Variants in SNX25 observed in about 807,000 individuals in gnomAD.
SNX25 encodes the protein sorting nexin 25.
In SNX25, 62 loss-of-function variants were observed where a neutral mutation model predicts 113.7. That is an observed-to-expected ratio of 0.55 (90% CI 0.44 to 0.67). The LOEUF (loss-of-function observed/expected upper bound fraction) is 0.67, where lower values mean the gene tolerates loss of function less well. Ranked by LOEUF, SNX25 falls within the 30% of genes least tolerant of loss-of-function variation. The pLI is 0.00. For missense variants in SNX25, 1,014 were observed against 1,161.0 expected (o/e 0.87, Z 1.84); for synonymous variants, 421 against 436.2 (o/e 0.97, Z 0.43).
intron 9 of SNX25, among the ~76,000 whole-genome samples, chr4:185,330,650 A>G (rs2095188011): frequency 6.6e-6 from 1 of 152,172 alleles, no homozygotes; most frequent in East Asian, 1.9e-4. Context: ...ACATAGAAAG[A>G]TTATGATTTA....
upstream of SNX25, among the ~76,000 whole-genome samples, chr4:185,208,494 C>A (rs1737299545): frequency 6.6e-6 from 1 of 151,880 alleles, no homozygotes; most frequent in African/African-American, 2.4e-5. Context: ...CTTTGGGAGG[C>A]TGAGGCAGGC....
intron 9 of SNX25, among the ~76,000 whole-genome samples, chr4:185,330,294 G>T (rs1294415987): frequency 6.6e-6 from 1 of 152,114 alleles, no homozygotes; most frequent in African/African-American, 2.4e-5. Flanking sequence ...AGGGGAGGTT[G>T]TCTTGGGACT....
At chr4:185,240,239 A>G (rs1324218344) in intron 1 of SNX25, among the ~76,000 whole-genome samples, 2 of 152,084 alleles carry the variant, frequency 1.3e-5, no homozygotes, top group African/African-American at 4.8e-5. Flanking sequence ...TATTCCACAA[A>G]ACCGCCATTG....
chr4:185,275,616 C>T (rs1050910679), intron 5 of SNX25, among the ~76,000 whole-genome samples: 1 of 152,046 alleles, frequency 6.6e-6, no homozygotes, highest in Non-Finnish European at 1.5e-5. Flanking sequence ...TAGCATGCTT[C>T]TTTGAAGAAC....
intron 1 of SNX25, among the ~76,000 whole-genome samples, chr4:185,230,945 C>T (rs145088535): frequency 8.5e-5 from 13 of 152,168 alleles, no homozygotes; most frequent in African/African-American, 3.1e-4. Flanking sequence ...TAGGGGCTTC[C>T]TGATGTCAAC....
At chr4:185,298,798 A>G (rs1269880828) in intron 6 of SNX25, among the ~76,000 whole-genome samples, 1 of 152,132 alleles carries the variant, frequency 6.6e-6, no homozygotes, top group Non-Finnish European at 1.5e-5. Flanking sequence ...TATAGTTTAT[A>G]TCTACTGTCT....
chr4:185,207,599 T>C (rs1737242079), upstream of SNX25: 1 of 152,010 alleles, frequency 6.6e-6, no homozygotes, highest in Non-Finnish European at 1.5e-5. Flanking sequence ...ATGAGATGAG[T>C]AAATCAGAGA....
rs1469125396 is a variant in SNX25, at chr4:185,209,604, A to T, written c.-223A>T. On this transcript the variant is annotated 5_prime_UTR_variant, in exon 1 of 19. Coordinates refer to ENST00000652585, the MANE Select transcript of SNX25 (RefSeq NM_001378034.2). This position sits in a 1 kb window ranked among gnomAD's most constrained non-coding sequence, Gnocchi z 5.2. ...GTCAGGCTGGCCAGGCTTCAGTCACAACACGGTGGGGCTCCCTGGCTGCGC... is the reference window on the plus strand; with the variant it reads ...GTCAGGCTGGCCAGGCTTCAGTCACTACACGGTGGGGCTCCCTGGCTGCGC... 2.4e-6 allele frequency: 1 copy of T among 410,768 alleles called. No individual in the cohort carries two copies. Among genetic ancestry groups the T allele is most frequent in the Non-Finnish European group, 3.3e-6 (1 of 304,744 alleles). 25.4% of individuals were successfully genotyped at this position (410,768 alleles called of 1,614,324 possible). A position where few individuals can be genotyped will look rare whatever the true frequency, so the allele number is the denominator to read the frequency against.
chr4:185,304,269 C>CG (rs1289784909), intron 6 of SNX25, among the ~76,000 whole-genome samples: 14 of 152,210 alleles, frequency 9.2e-5, no homozygotes, highest in Non-Finnish European at 1.3e-4. Flanking sequence ...ACTGCAGCCT[C>CG]GACCTGCTGG....
chr4:185,318,872 T>C (rs2095095989), intron 7 of SNX25, among the ~76,000 whole-genome samples: 1 of 152,182 alleles, frequency 6.6e-6, no homozygotes, highest in Non-Finnish European at 1.5e-5. Context: ...AGCTGAGTCA[T>C]GCAGGAAGCT....
At chr4:185,212,416 T>A (rs1737972815) in intron 1 of SNX25, among the ~76,000 whole-genome samples, 3 of 151,722 alleles carry the variant, frequency 2.0e-5, no homozygotes, top group Non-Finnish European at 4.4e-5. Flanking sequence ...GTAGTACTGG[T>A]ACTGTTTACT....
intron 7 of SNX25, among the ~76,000 whole-genome samples, chr4:185,317,723 G>A (rs1190277855): frequency 2.0e-5 from 3 of 152,106 alleles, no homozygotes; most frequent in African/African-American, 7.2e-5. Flanking sequence ...CTCATAAGTG[G>A]TAGTAGAACA....
intron 7 of SNX25, among the ~76,000 whole-genome samples, chr4:185,314,597 C>T (rs1158353399): frequency 2.0e-5 from 3 of 152,072 alleles, no homozygotes; most frequent in Admixed American, 6.5e-5. Flanking sequence ...CAGTGGCTCA[C>T]GCCTGTAATC....
chr4:185,210,150 G>T lies in SNX25; in HGVS notation c.324G>T (p.Gly108=), dbSNP rs1737501730. ...GCGCGGCGGCCGCCTTCCTGCTGGG[G>T]ATCCTGTTTGCCCTCGTCTGCCGGA... ...LSCAAAAFLL[G]ILFALVCRSP... is the part of the protein sequence containing the mutation. The change falls in exon 1 of 19, where the codon GGG becomes GGT. Residue 108 remains glycine, a synonymous_variant. Coordinates refer to ENST00000652585, the MANE Select transcript of SNX25 (RefSeq NM_001378034.2). This position sits in a 1 kb window ranked among gnomAD's most constrained non-coding sequence, Gnocchi z 4.4. 1.0e-6 allele frequency: 1 copy of T among 984,182 alleles called. No individual in the cohort carries two copies. Among genetic ancestry groups the T allele is most frequent in the South Asian group, 4.7e-5 (1 of 21,300 alleles). The allele number at this position is 984,182 out of a possible 1,614,324, so 61.0% of individuals were successfully genotyped here. A position where few individuals can be genotyped will look rare whatever the true frequency, so the allele number is the denominator to read the frequency against.
At chr4:185,220,484 C>CT (rs33968295) in intron 1 of SNX25, among the ~76,000 whole-genome samples, 5,638 of 131,808 alleles carry the variant, frequency 0.043, 252 homozygotes, top group Middle Eastern at 0.11. Context: ...AACTGAGTCC[C>CT]TTTTTTTTTT....
intron 1 of SNX25, among the ~76,000 whole-genome samples, chr4:185,223,928 G>A (rs1272944987): frequency 3.3e-5 from 5 of 152,034 alleles, no homozygotes; most frequent in African/African-American, 7.2e-5. Context: ...TGTACTCTTC[G>A]GTTACATAAA....
chr4:185,375,786 G>T, the SNX25 span: 3 of 1,090,814 alleles, frequency 2.8e-6, no homozygotes, highest in Non-Finnish European at 2.7e-6. Context: ...AATCCCAAAG[G>T]CACCAAGTGG....
chr4:185,214,176 T>G (rs1253514759), intron 1 of SNX25, among the ~76,000 whole-genome samples: 2 of 152,070 alleles, frequency 1.3e-5, no homozygotes, highest in African/African-American at 4.8e-5. Context: ...TGCCCAGCCC[T>G]TAGAGACTTC....
intron 10 of SNX25, among the ~76,000 whole-genome samples, 152 bp from the exon 11 acceptor site, chr4:185,339,223 AGTGG>A (rs2095247820): frequency 2.0e-5 from 3 of 152,056 alleles, no homozygotes; most frequent in Non-Finnish European, 2.9e-5. Flanking sequence ...TGCTATTGTA[AGTGG>A]AATTTTTTTC....
Sources: gnomAD v4.1 joint callset for allele counts (sites outside exome capture counted in the v4.1 genomes callset) on GRCh38, gnomAD v4.1.1 for gene constraint, Gnocchi (gnomAD v3.1) non-coding constraint, MANE v1.5 for transcripts, NCBI Gene and HGNC (gene_info 2026-07-23, HGNC 2026-07-21) for gene names.